Variants in HGSNAT observed in about 807,000 individuals in gnomAD.
The protein encoded by HGSNAT is heparan-alpha-glucosaminide N-acetyltransferase.
In HGSNAT, 59 loss-of-function variants were observed where a neutral mutation model predicts 85.2. The observed-to-expected ratio is 0.69, with a 90% CI of 0.56 to 0.86. HGSNAT has a LOEUF of 0.86. HGSNAT is among the 40% of genes least tolerant of loss of function. The pLI is 0.00. For missense variants in HGSNAT, 756 were observed against 777.1 expected, an observed-to-expected ratio of 0.97 and a Z score of 0.32; for synonymous variants, 321 against 304.5, an observed-to-expected ratio of 1.05 and a Z score of -0.56.
chr8:43,196,524 C>T (rs1393654361), intron 14 of HGSNAT: 36 of 1,290,314 alleles, frequency 2.8e-5, no homozygotes, highest in Non-Finnish European at 3.5e-5. Context: ...GAAGTAAGAG[C>T]CACGGAGCCT....
chr8:43,163,620 G>C (rs772863340), intron 5 of HGSNAT, among the ~76,000 whole-genome samples: 24 of 151,676 alleles, frequency 1.6e-4, no homozygotes, highest in Admixed American at 3.3e-4. Context: ...TCTGCCTCTG[G>C]GTTTTAAGAA....
chr8:43,192,520 C>A, intron 13 of HGSNAT, 90 bp downstream of exon 13: 4 of 1,398,790 alleles, frequency 2.9e-6, no homozygotes, highest in Non-Finnish European at 3.8e-6. Flanking sequence ...TAAACCATGC[C>A]CATTTAAGAA....
chr8:43,179,660 G>C (rs1249639891), intron 10 of HGSNAT, among the ~76,000 whole-genome samples: 12 of 14,188 alleles, frequency 8.5e-4, no homozygotes, highest in East Asian at 2.2e-3. Context: ...CCAGGCGGGG[G>C]GCTGATCCCC....
At chr8:43,148,317 AATTTAT>A (rs1287248393) in intron 2 of HGSNAT, among the ~76,000 whole-genome samples, 3 of 151,606 alleles carry the variant, frequency 2.0e-5, no homozygotes, top group Non-Finnish European at 2.9e-5. Flanking sequence ...GTTGAATTTT[AATTTAT>A]ATTTATATTT....
chr8:43,196,346 A>G (rs1804725805), intron 14 of HGSNAT: 1 of 538,516 alleles, frequency 1.9e-6, no homozygotes, highest in South Asian at 1.6e-5. Flanking sequence ...TTGTATGTGA[A>G]GTCCATATTT....
rs181721081 is a variant in HGSNAT at position 43,149,788 on chromosome 8, C to A, written c.234+2725C>A. Among the ~76,000 whole-genome samples, 61 of 152,084 alleles carry A rather than the reference C, an allele frequency of 4.0e-4. 1 individual carries two copies. In the East Asian group the frequency reaches 0.012, roughly 29 times the overall value. ...CAAAAAATGCAAATTATAATAACTT[C>A]ATACATTTAGTAAACCAGATAATAA... On this transcript the variant is annotated intron_variant, in intron 2 of 17. Coordinates refer to ENST00000379644, the MANE Select transcript of HGSNAT (RefSeq NM_152419.3).
At chr8:43,149,944 A>G (rs1364499207) in intron 2 of HGSNAT, among the ~76,000 whole-genome samples, 3 of 151,644 alleles carry the variant, frequency 2.0e-5, no homozygotes, top group East Asian at 1.9e-4. Flanking sequence ...TAAAGTAGAA[A>G]GACCTTTTAT....
intron 10 of HGSNAT, among the ~76,000 whole-genome samples, chr8:43,179,655 C>T (rs1343412383): frequency 1.4e-4 from 2 of 14,408 alleles, no homozygotes; most frequent in East Asian, 2.6e-3. Context: ...ACTGGCCAGG[C>T]GGGGGGCTGA....
chr8:43,141,994 GA>G (rs1802565799), intron 1 of HGSNAT, among the ~76,000 whole-genome samples: 1 of 152,026 alleles, frequency 6.6e-6, no homozygotes, highest in Admixed American at 6.5e-5. Flanking sequence ...CTGTCACCTG[GA>G]GCCCATGTTT....
In HGSNAT at chr8:43,169,234, A is replaced by T. The variant is rs758473075; in HGVS notation, c.625A>T (p.Ile209Phe). The part of the protein sequence containing the change: ...AISSRETDRL[I>F]NSELGSPSRT... ...AAGTTCTCGAGAAACTGATCGCCTC[A>T]TCAATTCTGTAAGTTATGAGATGCA... Residue 209 changes from isoleucine to phenylalanine, a missense_variant, in exon 6 of 18, where the codon ATC becomes TTC. Ile to Phe is a conservative substitution (Grantham distance 21, BLOSUM62 0). Transcript: ENST00000379644. The T allele has an allele frequency of 6.3e-7, 1 of 1,582,258 alleles. No individual in the cohort carries two copies. The highest frequency in any genetic ancestry group is 8.6e-7 in the Non-Finnish European group (1 of 1,161,404).
In HGSNAT at chr8:43,158,574, G is replaced by A. The variant is rs1803164762; in HGVS notation, c.235-1G>A. 1 of 1,613,738 alleles carries A rather than the reference G, an allele frequency of 6.2e-7. No homozygotes were observed. Among genetic ancestry groups the A allele is most frequent in the African/African-American group, 1.3e-5 (1 of 74,914 alleles). ...TTGACCTGTTGTGCTTTTATTTACA[G>A]TGCTTGTTTCAGGTTCTGGTAAACG... On this transcript the variant is annotated splice_acceptor_variant, in intron 2 of 17. Transcript: ENST00000379644. LOFTEE classifies it high-confidence loss of function.
At chr8:43,198,897 T>C (rs1294295588) in intron 17 of HGSNAT, among the ~76,000 whole-genome samples, 1 of 152,136 alleles carries the variant, frequency 6.6e-6, no homozygotes, top group Non-Finnish European at 1.5e-5. Flanking sequence ...ATGAATATTA[T>C]CTAATACCTT....
intron 10 of HGSNAT, among the ~76,000 whole-genome samples, chr8:43,178,852 G>A (rs1231040834): frequency 6.8e-6 from 1 of 146,806 alleles, no homozygotes; most frequent in African/African-American, 2.5e-5. Flanking sequence ...GTTTAACAAA[G>A]CACATCTTGC....
In HGSNAT at chr8:43,192,318, C is replaced by G; in HGVS notation, c.1265C>G (p.Pro422Arg). 6.2e-7 allele frequency: 1 copy of G among 1,608,428 alleles called. No homozygotes were observed. ...VPGCPTGYLG[P>R]GGIGDFGKYP... ...CACCTTCCTAGTGGTTATCTTGGTC[C>G]TGGGGGCATTGGAGATTTTGGCAAG... Residue 422 changes from proline to arginine, a missense_variant, in exon 13 of 18, where the codon CCT becomes CGT. Pro to Arg is a moderately radical substitution (Grantham distance 103). Coordinates refer to ENST00000379644, the MANE Select transcript of HGSNAT (RefSeq NM_152419.3).
At chr8:43,172,103 T>C (rs962649904) in intron 7 of HGSNAT, among the ~76,000 whole-genome samples, 1 of 152,262 alleles carries the variant, frequency 6.6e-6, no homozygotes, top group African/African-American at 2.4e-5. Context: ...GTGTTGGCAA[T>C]GGTCCTAACT....
At chr8:43,173,218 G>C (rs1803687504) in intron 8 of HGSNAT, among the ~76,000 whole-genome samples, 1 of 152,094 alleles carries the variant, frequency 6.6e-6, no homozygotes. Flanking sequence ...TCAAACTCCT[G>C]GGCTCAAGCG....
intron 9 of HGSNAT, among the ~76,000 whole-genome samples, chr8:43,176,508 A>G (rs907165121): frequency 1.3e-5 from 2 of 152,174 alleles, no homozygotes; most frequent in African/African-American, 4.8e-5. Context: ...TCTCTTGCTC[A>G]GGATAACTTT....
At chr8:43,193,502 G>C (rs192549086) in intron 13 of HGSNAT, among the ~76,000 whole-genome samples, 1 of 152,162 alleles carries the variant, frequency 6.6e-6, no homozygotes, top group Non-Finnish European at 1.5e-5. Flanking sequence ...TGCTGCCCCC[G>C]CTGCAATCAC....
chr8:43,193,939 T>G (rs1804625805), intron 14 of HGSNAT, 96 bp downstream of exon 14: 1 of 1,549,290 alleles, frequency 6.5e-7, no homozygotes, highest in Non-Finnish European at 8.7e-7. Flanking sequence ...TGGAAGCATA[T>G]TCTCTCTTGT....
Sources: allele counts gnomAD v4.1 joint callset (sites outside exome capture counted in the v4.1 genomes callset), GRCh38; gene constraint gnomAD v4.1.1; transcripts MANE v1.5; gene names NCBI Gene and HGNC (gene_info 2026-07-23, HGNC 2026-07-21).